The following CRPPA variants were observed in gnomAD, a reference collection of about 807,000 sequenced individuals.
CRPPA encodes CDP-L-ribitol pyrophosphorylase A.
CRPPA carries 43 observed loss-of-function variants against 52.0 expected under a neutral mutation model. The ratio of observed to expected loss-of-function variants is 0.83; its 90% confidence interval spans 0.65 to 1.07. CRPPA has a LOEUF of 1.07. Among genes scored for constraint, CRPPA ranks in the 50% least tolerant of loss-of-function variants. CRPPA has a pLI of 0.00. For missense variants in CRPPA, 629 were observed against 551.7 expected, an observed-to-expected ratio of 1.14 and a Z score of -1.40; for synonymous variants, 250 against 203.5, an observed-to-expected ratio of 1.23 and a Z score of -1.94.
intron 6 of CRPPA, among the ~76,000 whole-genome samples, chr7:16,260,810 A>T (rs1437122168): frequency 6.6e-6 from 1 of 152,084 alleles, no homozygotes; most frequent in Non-Finnish European, 1.5e-5. Context: ...TTTTTGAAGT[A>T]TTAAAATAAA....
intron 1 of CRPPA, among the ~76,000 whole-genome samples, chr7:16,414,524 AT>A (rs1318846433): frequency 6.6e-6 from 1 of 152,178 alleles, no homozygotes; most frequent in East Asian, 1.9e-4. Flanking sequence ...ACATCAATTG[AT>A]AAATTGTGAG....
At position 16,398,491 on chromosome 7, in the gene CRPPA, A is replaced by G. The variant is rs534562178; in HGVS notation, c.534+7570T>C. On this transcript the variant is annotated intron_variant, in intron 2 of 9. Coordinates refer to ENST00000407010, the MANE Select transcript of CRPPA (RefSeq NM_001101426.4). ...GATTGACATGATTGGCACATGACCT[A>G]TATCATTGGCACGTGATTGGCATAG... 1.1e-4 allele frequency among the ~76,000 whole-genome samples: 17 copies of G among 152,228 alleles called. No individual in the cohort carries two copies. In the South Asian group the frequency reaches 2.9e-3, roughly 26 times the overall value.
At chr7:16,360,380 T>G (rs1009060913) in intron 3 of CRPPA, among the ~76,000 whole-genome samples, 13 of 152,126 alleles carry the variant, frequency 8.5e-5, no homozygotes, top group African/African-American at 3.1e-4. Context: ...TCAATTACAT[T>G]AAGGAGTACT....
chr7:16,356,590 C>G (rs1786301738), intron 3 of CRPPA, among the ~76,000 whole-genome samples: 1 of 152,140 alleles, frequency 6.6e-6, no homozygotes, highest in Admixed American at 6.5e-5. Context: ...TTCCCCAATT[C>G]ATTTTTCAAC....
At chr7:16,285,105 G>T (rs1451914351) in intron 5 of CRPPA, among the ~76,000 whole-genome samples, 1 of 152,042 alleles carries the variant, frequency 6.6e-6, no homozygotes, top group Non-Finnish European at 1.5e-5. Context: ...CTACCTTGAG[G>T]TTAATGAAAT....
intron 9 of CRPPA, among the ~76,000 whole-genome samples, chr7:16,185,827 A>C (rs1447549873): frequency 6.6e-6 from 1 of 152,210 alleles, no homozygotes; most frequent in Non-Finnish European, 1.5e-5. Context: ...AGTGGCAGTC[A>C]AATAGTGACT....
intron 2 of CRPPA, among the ~76,000 whole-genome samples, chr7:16,388,434 T>C (rs1223784736): frequency 6.6e-6 from 1 of 152,124 alleles, no homozygotes; most frequent in South Asian, 2.1e-4. Context: ...TGTAAATGCC[T>C]ATATAAAAAG....
chr7:16,370,764 T>C (rs572252025), intron 3 of CRPPA, among the ~76,000 whole-genome samples: 2 of 152,180 alleles, frequency 1.3e-5, no homozygotes, highest in East Asian at 1.9e-4. Flanking sequence ...GAAGGGGTCC[T>C]TGTCCTCTGC....
intron 3 of CRPPA, among the ~76,000 whole-genome samples, chr7:16,322,865 C>T (rs1192553555): frequency 6.6e-6 from 1 of 152,054 alleles, no homozygotes; most frequent in Non-Finnish European, 1.5e-5. Flanking sequence ...CTCACAGTTC[C>T]ACATCACTGG....
intron 5 of CRPPA, among the ~76,000 whole-genome samples, chr7:16,298,081 T>C (rs1784711325): frequency 6.6e-6 from 1 of 152,180 alleles, no homozygotes; most frequent in South Asian, 2.1e-4. Context: ...CTCTTTCCTA[T>C]GCCCAGAGAG....
intron 4 of CRPPA, among the ~76,000 whole-genome samples, chr7:16,305,989 G>A (rs569264614): frequency 1.3e-5 from 2 of 152,296 alleles, no homozygotes; most frequent in African/African-American, 4.8e-5. Flanking sequence ...ATTCTTTCCA[G>A]CCTCTTCCTA....
chr7:16,388,814 T>C (rs1167312120), intron 2 of CRPPA, among the ~76,000 whole-genome samples: 2 of 152,044 alleles, frequency 1.3e-5, no homozygotes, highest in Non-Finnish European at 2.9e-5. Context: ...AGGCAATGGA[T>C]GCAGTGAGCT....
intron 3 of CRPPA, among the ~76,000 whole-genome samples, chr7:16,349,196 A>G (rs1425176240): frequency 6.6e-6 from 1 of 152,200 alleles, no homozygotes; most frequent in African/African-American, 2.4e-5. Context: ...CCTTCCAGGT[A>G]TCAGAGTACT....
intron 3 of CRPPA, among the ~76,000 whole-genome samples, chr7:16,312,849 C>G (rs999220792): frequency 6.6e-6 from 1 of 151,872 alleles, no homozygotes; most frequent in African/African-American, 2.4e-5. Context: ...TGATTTTTCT[C>G]TTTCTGCCTA....
chr7:16,225,156 CATA>C (rs1782615073), intron 8 of CRPPA, among the ~76,000 whole-genome samples: 1 of 151,890 alleles, frequency 6.6e-6, no homozygotes, highest in Non-Finnish European at 1.5e-5. Flanking sequence ...AAATGAGTTT[CATA>C]ATATCAGTAC....
intron 2 of CRPPA, among the ~76,000 whole-genome samples, chr7:16,399,773 C>T (rs947918451): frequency 6.6e-6 from 1 of 152,034 alleles, no homozygotes; most frequent in African/African-American, 2.4e-5. Flanking sequence ...TGACAAGTGG[C>T]TGACATGCTT....
chr7:16,155,917 C>T (rs1783170390), intron 9 of CRPPA, among the ~76,000 whole-genome samples: 2 of 151,990 alleles, frequency 1.3e-5, no homozygotes, highest in South Asian at 2.1e-4. Flanking sequence ...TCCTTAATCT[C>T]AGTTTGGGAA....
At chr7:16,138,114 C>T (rs928364924) in intron 9 of CRPPA, among the ~76,000 whole-genome samples, 6 of 152,140 alleles carry the variant, frequency 3.9e-5, no homozygotes, top group Admixed American at 2.6e-4. Flanking sequence ...ACTATGTCAA[C>T]AATTTATATG....
chr7:16,202,806 G>A (rs944729745), intron 9 of CRPPA, among the ~76,000 whole-genome samples: 5 of 152,140 alleles, frequency 3.3e-5, no homozygotes, highest in African/African-American at 1.2e-4. Context: ...AGACAATTTT[G>A]TCAAGGCTGA....
Sources: allele counts gnomAD v4.1 joint callset (sites outside exome capture counted in the v4.1 genomes callset), GRCh38; gene constraint gnomAD v4.1.1; transcripts MANE v1.5; gene names NCBI Gene and HGNC (gene_info 2026-07-23, HGNC 2026-07-21).